The following FAM107B variants were observed in gnomAD, a reference collection of about 807,000 sequenced individuals.
The protein encoded by FAM107B is protein FAM107B.
Under a neutral mutation model 31.5 loss-of-function variants are expected in FAM107B, and 21 were observed. That is an observed-to-expected ratio of 0.67 (90% CI 0.47 to 0.96). The LOEUF (loss-of-function observed/expected upper bound fraction) is 0.96. Ranked by LOEUF, FAM107B falls within the 40% of genes least tolerant of loss-of-function variation. FAM107B has a pLI of 0.00. For synonymous variants in FAM107B, 157 were observed against 141.5 expected, an observed-to-expected ratio of 1.11 and a Z score of -0.78; for missense variants, 452 against 377.1, an observed-to-expected ratio of 1.20 and a Z score of -1.64.
chr10:14,522,045 GA>G, intron 3 of FAM107B, 26 bp from the exon 4 acceptor site: 1 of 1,590,974 alleles, frequency 6.3e-7, no homozygotes, highest in Non-Finnish European at 8.5e-7. Context: ...AACAAAAATA[GA>G]AAACGTTAAT....
At chr10:14,583,049 T>C (rs984796716) in intron 2 of FAM107B, among the ~76,000 whole-genome samples, 24 of 142,652 alleles carry the variant, frequency 1.7e-4, no homozygotes, top group Middle Eastern at 7.7e-3. Context: ...ATCGCGCCAC[T>C]GCACTCCAGC....
At chr10:14,573,037 G>A (rs1349291790) in intron 2 of FAM107B, among the ~76,000 whole-genome samples, 3 of 152,136 alleles carry the variant, frequency 2.0e-5, no homozygotes, top group Non-Finnish European at 2.9e-5. Flanking sequence ...ACGCCCACTT[G>A]GTGACATCTG....
chr10:14,586,834 A>AC (rs1199145641), intron 2 of FAM107B, among the ~76,000 whole-genome samples: 2 of 152,036 alleles, frequency 1.3e-5, no homozygotes, highest in African/African-American at 2.4e-5. Flanking sequence ...TGGACCCTCT[A>AC]CCCCCACCAG....
intron 2 of FAM107B, among the ~76,000 whole-genome samples, chr10:14,599,984 A>C (rs1292625970): frequency 6.6e-6 from 1 of 152,204 alleles, no homozygotes; most frequent in Non-Finnish European, 1.5e-5. Flanking sequence ...TCCCAAAGTC[A>C]AGAGTTCACC....
At chr10:14,702,421 T>C (rs1588715984) in intron 1 of FAM107B, among the ~76,000 whole-genome samples, 1 of 152,192 alleles carries the variant, frequency 6.6e-6, no homozygotes, top group East Asian at 1.9e-4. Context: ...TGGCACGATC[T>C]TGGCTCACTC....
chr10:14,525,911 A>G (rs555714734), intron 3 of FAM107B, among the ~76,000 whole-genome samples: 4 of 152,358 alleles, frequency 2.6e-5, no homozygotes, highest in African/African-American at 7.2e-5. Context: ...CATACAGACA[A>G]CTTTGAAAGG....
intron 1 of FAM107B, among the ~76,000 whole-genome samples, chr10:14,668,782 T>C (rs926457572): frequency 3.3e-5 from 5 of 152,292 alleles, no homozygotes; most frequent in Admixed American, 6.5e-5. Flanking sequence ...TGCAGGAAGT[T>C]ACCTACTCAG....
intron 2 of FAM107B, among the ~76,000 whole-genome samples, chr10:14,590,482 C>T (rs540753511): frequency 3.3e-5 from 5 of 152,322 alleles, no homozygotes; most frequent in South Asian, 4.1e-4. Context: ...TGGTAGCCTT[C>T]AAGTATGGAA....
At chr10:14,631,963 A>G (rs1274113959) in intron 2 of FAM107B, among the ~76,000 whole-genome samples, 3 of 152,192 alleles carry the variant, frequency 2.0e-5, no homozygotes, top group Non-Finnish European at 2.9e-5. Flanking sequence ...AAAAAAGTGC[A>G]GGTTCCTGAG....
At chr10:14,740,802 C>A (rs1032499037) in intron 1 of FAM107B, among the ~76,000 whole-genome samples, 3 of 152,134 alleles carry the variant, frequency 2.0e-5, no homozygotes, top group Admixed American at 6.5e-5. Flanking sequence ...TTAAAATGAG[C>A]TAGACAGAGT....
At chr10:14,552,353 G>A (rs1299349007) in intron 2 of FAM107B, among the ~76,000 whole-genome samples, 1 of 152,080 alleles carries the variant, frequency 6.6e-6, no homozygotes, top group East Asian at 1.9e-4. Context: ...TTCCTTCTCT[G>A]CACAATTAGA....
intron 2 of FAM107B, among the ~76,000 whole-genome samples, chr10:14,583,562 A>AT (rs759386982): frequency 1.2e-4 from 18 of 152,060 alleles, no homozygotes; most frequent in South Asian, 4.1e-4. Context: ...TCCATTTTTA[A>AT]TTTTTTTAAA....
chr10:14,604,123 C>T (rs2131379930), intron 2 of FAM107B: 2 of 549,308 alleles, frequency 3.6e-6, no homozygotes, highest in East Asian at 1.5e-4. Context: ...GACCCCCCAC[C>T]CGCCCGGCCG....
At position 14,519,455 on chromosome 10, in the gene FAM107B, G is replaced by A. The variant is rs757302098; in HGVS notation, c.*1735C>T. 9.9e-5 allele frequency: 15 copies of A among 152,064 alleles called. No homozygotes were observed. The highest frequency in any genetic ancestry group is 2.4e-4 in the African/African-American group (10 of 41,416). The allele number at this position is 152,064 out of a possible 1,614,324, so 9.4% of individuals were successfully genotyped here. ...TCACACTTCCTTCTCTCAAAAGAAC[G>A]ATGGGAAAAAATAGTTACCATTCCA... On this transcript the variant is annotated 3_prime_UTR_variant, in exon 5 of 5. Transcript: ENST00000181796.
intron 2 of FAM107B, among the ~76,000 whole-genome samples, chr10:14,561,783 TTTC>T (rs1850265759): frequency 1.3e-5 from 2 of 152,080 alleles, no homozygotes; most frequent in Admixed American, 1.3e-4. Flanking sequence ...CAGAGTATAT[TTTC>T]TTCTTATTTT....
At chr10:14,570,241 T>TGG (rs1224609946) in intron 2 of FAM107B, among the ~76,000 whole-genome samples, 67 of 143,310 alleles carry the variant, frequency 4.7e-4, no homozygotes, top group Middle Eastern at 7.2e-3. Flanking sequence ...TGGGTGTGTG[T>TGG]GTGTGTGTGT....
chr10:14,749,000 C>T (rs998514319), intron 1 of FAM107B, among the ~76,000 whole-genome samples: 2 of 152,156 alleles, frequency 1.3e-5, no homozygotes, highest in Admixed American at 1.3e-4. Flanking sequence ...TCTGATTATA[C>T]CTTTGGGATC....
chr10:14,561,288 G>A (rs1040299743), intron 2 of FAM107B, among the ~76,000 whole-genome samples: 7 of 152,210 alleles, frequency 4.6e-5, no homozygotes, highest in African/African-American at 1.7e-4. Context: ...CTGACAAACC[G>A]AGGGAAATAT....
At position 14,635,619 on chromosome 10, in the gene FAM107B, A is replaced by C. The variant is rs187016538; in HGVS notation, c.469+32015T>G. Among the ~76,000 whole-genome samples the C allele has an allele frequency of 2.2e-4, 34 of 151,936 alleles. No individual in the cohort carries two copies. In the East Asian group the frequency reaches 5.4e-3, roughly 24 times the overall value. On this transcript the variant is annotated intron_variant, in intron 2 of 4. Coordinates refer to ENST00000181796, the MANE Select transcript of FAM107B (RefSeq NM_031453.4). The stretch of plus-strand genomic sequence containing the variant: ...TCAAACCTCCCTGGTTGGAACTTGG[A>C]ATGTGTTTTTCTATTTTTTTTTCTT...
Sources: allele counts gnomAD v4.1 joint callset (sites outside exome capture counted in the v4.1 genomes callset), GRCh38; gene constraint gnomAD v4.1.1; transcripts MANE v1.5; gene names NCBI Gene and HGNC (gene_info 2026-07-23, HGNC 2026-07-21).